Variants in LYRM4 observed in about 807,000 individuals in gnomAD.
LYRM4 encodes LYR motif-containing protein 4.
LYRM4 carries 9 observed loss-of-function variants against 11.7 expected under a neutral mutation model. The observed-to-expected ratio is 0.77, with a 90% CI of 0.46 to 1.34. The LOEUF is 1.34. LYRM4 is among the 40% of genes most tolerant of loss of function. The pLI is 0.00. For synonymous variants in LYRM4, 42 were observed against 40.4 expected (o/e 1.04, Z -0.15); for missense variants, 133 against 112.5 (o/e 1.18, Z -0.82).
Position 5,260,868 on chromosome 6 carries a change from C to G in LYRM4, c.-135G>C. 1 of 1,460,814 alleles carries G rather than the reference C, an allele frequency of 6.8e-7. No homozygotes were observed. The highest frequency in any genetic ancestry group is 9.0e-7 in the Non-Finnish European group (1 of 1,112,276). 90.5% of individuals were successfully genotyped at this position (1,460,814 alleles called of 1,614,324 possible). A position where few individuals can be genotyped will look rare whatever the true frequency, so the allele number is the denominator to read the frequency against. On this transcript the variant is annotated 5_prime_UTR_variant, in exon 1 of 3. Transcript: ENST00000330636. The stretch of plus-strand genomic sequence containing the variant: ...GCTCGGCTTTGCCAGCGGGCCGGGC[C>G]TAAGCCTAAGCGGGCAGCCCTGCGG...
At chr6:5,141,234 A>C (rs560622766) in intron 2 of LYRM4, among the ~76,000 whole-genome samples, 1 of 152,306 alleles carries the variant, frequency 6.6e-6, no homozygotes, top group African/African-American at 2.4e-5. Flanking sequence ...CATATTTTCT[A>C]TTAAGAGGAT....
In LYRM4 at chr6:5,260,626, CCCCCGGT is replaced by C. The variant is rs1258823574; in HGVS notation, c.86+15_86+21del. On this transcript the variant is annotated intron_variant, in intron 1 of 2. Coordinates refer to ENST00000330636, the MANE Select transcript of LYRM4 (RefSeq NM_020408.6). ...CCGGCCCCTGGCCCCCCGCCCCCGG[CCCCCGGT>C]GCCCGCTGGGTCACCTGTAATTGTA... The C allele has an allele frequency of 2.0e-6, 3 of 1,518,844 alleles. No homozygotes were observed. The highest frequency in any genetic ancestry group is 2.6e-6 in the Non-Finnish European group (3 of 1,136,230). The allele number at this position is 1,518,844 out of a possible 1,614,324, so 94.1% of individuals were successfully genotyped here. A position where few individuals can be genotyped will look rare whatever the true frequency, so the allele number is the denominator to read the frequency against.
chr6:5,122,949 C>T (rs1200334512), intron 2 of LYRM4, among the ~76,000 whole-genome samples: 3 of 152,228 alleles, frequency 2.0e-5, no homozygotes, highest in Non-Finnish European at 2.9e-5. Context: ...GCGACATCCA[C>T]GGACTTGTAA....
chr6:5,172,441 C>T (rs77951620), intron 2 of LYRM4, among the ~76,000 whole-genome samples: 3,284 of 152,240 alleles, frequency 0.022, 107 homozygotes, highest in African/African-American at 0.073. Context: ...GAGCACCTCC[C>T]TTCCTTTTGC....
At chr6:5,233,694 T>A (rs573131761) in intron 1 of LYRM4, among the ~76,000 whole-genome samples, 7 of 152,320 alleles carry the variant, frequency 4.6e-5, no homozygotes, top group East Asian at 3.9e-4. Context: ...CAGGCTGGAC[T>A]CCAACTCCTG....
At chr6:5,146,072 C>T (rs1309202798) in intron 2 of LYRM4, among the ~76,000 whole-genome samples, 1 of 152,196 alleles carries the variant, frequency 6.6e-6, no homozygotes, top group Non-Finnish European at 1.5e-5. Flanking sequence ...TCCAAATATT[C>T]GAATGCCACC....
chr6:5,203,702 G>A (rs907088243), intron 2 of LYRM4, among the ~76,000 whole-genome samples: 4 of 152,174 alleles, frequency 2.6e-5, no homozygotes, highest in South Asian at 2.1e-4. Context: ...ACTGAAAAGC[G>A]GCCGGGGAAG....
chr6:5,247,307 C>G (rs549266434), intron 1 of LYRM4, among the ~76,000 whole-genome samples: 1 of 152,320 alleles, frequency 6.6e-6, no homozygotes, highest in South Asian at 2.1e-4. Context: ...CACTAGACTA[C>G]CGGATGCAGT....
chr6:5,079,984 G>A, the LYRM4 span, among the ~76,000 whole-genome samples: 1 of 152,210 alleles, frequency 6.6e-6, no homozygotes, highest in African/African-American at 2.4e-5. Context: ...TGTTTGCATA[G>A]TGGTATTGAA....
the LYRM4 span, among the ~76,000 whole-genome samples, chr6:5,090,038 A>ACACACACACC: frequency 2.1e-5 from 3 of 140,862 alleles, no homozygotes; most frequent in Non-Finnish European, 4.6e-5. The surrounding 1 kb of genome is among the most constrained non-coding windows in gnomAD (Gnocchi z 4.8). Context: ...ACACACACAC[A>ACACACACACC]CACCACACAC....
intron 2 of LYRM4, among the ~76,000 whole-genome samples, chr6:5,131,438 G>A (rs1327481251): frequency 6.6e-6 from 1 of 152,168 alleles, no homozygotes; most frequent in Non-Finnish European, 1.5e-5. Flanking sequence ...AATGGCTCAC[G>A]CCTGTAATCC....
At chr6:5,074,380 G>GGA in the LYRM4 span, among the ~76,000 whole-genome samples, 1 of 150,234 alleles carries the variant, frequency 6.7e-6, no homozygotes, top group Non-Finnish European at 1.5e-5. Context: ...AATGAGATGG[G>GGA]GAGAGAAGCA....
intron 1 of LYRM4, among the ~76,000 whole-genome samples, chr6:5,259,089 A>G (rs944205479): frequency 6.6e-6 from 1 of 152,156 alleles, no homozygotes; most frequent in Non-Finnish European, 1.5e-5. Flanking sequence ...TGTCCAAGTT[A>G]GTCTTCGAGG....
the LYRM4 span, chr6:5,067,001 C>A: frequency 1.3e-6 from 1 of 792,974 alleles, no homozygotes. Flanking sequence ...CTCTCAGGCC[C>A]GCTCCAAGGA....
intron 2 of LYRM4, among the ~76,000 whole-genome samples, chr6:5,148,679 CT>C (rs1330231004): frequency 4.3e-4 from 66 of 152,138 alleles, no homozygotes; most frequent in African/African-American, 1.5e-3. Flanking sequence ...CTCTCTCTCT[CT>C]CTCTGCTTAT....
chr6:5,207,370 G>A (rs147001737), intron 2 of LYRM4, among the ~76,000 whole-genome samples: 15 of 148,374 alleles, frequency 1.0e-4, no homozygotes, highest in Non-Finnish European at 1.5e-4. Context: ...ATGAGTGCAC[G>A]CCCTCATATA....
chr6:5,066,795 C>A, the LYRM4 span: 5 of 736,074 alleles, frequency 6.8e-6, no homozygotes, highest in Non-Finnish European at 7.2e-6. Context: ...GTTTAACACC[C>A]TCCTTGGTGA....
At chr6:5,042,059 T>C in the LYRM4 span, among the ~76,000 whole-genome samples, 2 of 152,180 alleles carry the variant, frequency 1.3e-5, no homozygotes, top group Non-Finnish European at 2.9e-5. Context: ...TAAGATGCAA[T>C]TGTATGAACT....
At chr6:5,095,677 G>T in the LYRM4 span, among the ~76,000 whole-genome samples, 5 of 152,294 alleles carry the variant, frequency 3.3e-5, no homozygotes, top group South Asian at 6.2e-4. Flanking sequence ...CACTGCTGAG[G>T]TTAAAAACCC....
Sources: gnomAD v4.1 joint callset for allele counts (sites outside exome capture counted in the v4.1 genomes callset) on GRCh38, gnomAD v4.1.1 for gene constraint, Gnocchi (gnomAD v3.1) non-coding constraint, MANE v1.5 for transcripts, NCBI Gene and HGNC (gene_info 2026-07-23, HGNC 2026-07-21) for gene names.